The following PLA2G4B variants were observed in gnomAD, a reference collection of about 807,000 sequenced individuals.
PLA2G4B encodes phospholipase A2 group IVB.
In PLA2G4B, 122 loss-of-function variants were observed where a neutral mutation model predicts 95.8. The observed-to-expected ratio is 1.27, with a 90% CI of 1.10 to 1.48. The LOEUF is 1.48. Among genes scored for constraint, PLA2G4B ranks in the 40% most tolerant of loss-of-function variants. The probability of loss-of-function intolerance (pLI) is 0.00; values close to 1 mark genes in which losing one functional copy is unlikely to be tolerated. For missense variants in PLA2G4B, 1,158 were observed against 996.2 expected, an observed-to-expected ratio of 1.16 and a Z score of -2.19; for synonymous variants, 518 against 421.5, an observed-to-expected ratio of 1.23 and a Z score of -2.80.
chr15:41,840,064 T>G, intron 1 of PLA2G4B, 94 bp from the exon 2 acceptor site: 7 of 1,396,600 alleles, frequency 5.0e-6, no homozygotes, highest in Non-Finnish European at 6.8e-6. Context: ...GGTTCAGGAT[T>G]AGGCCTTGAG....
At position 41,843,658 on chromosome 15, in the gene PLA2G4B, TCTTC is replaced by T; in HGVS notation, c.744-12_744-9del. 1.2e-6 allele frequency: 2 copies of T among 1,611,456 alleles called. No homozygotes were observed. Among genetic ancestry groups the T allele is most frequent in the Non-Finnish European group, 1.7e-6 (2 of 1,178,332 alleles). On this transcript the variant is annotated splice_polypyrimidine_tract_variant and intron_variant, in intron 10 of 19. Transcript: ENST00000458483. Reference sequence around the variant, plus strand: ...GAGGGTTGAGAGCTGTCTCACAGTCTCTTCCTTCCCCGGCCAGACTGAGGGAGCT... The same window carrying T: ...GAGGGTTGAGAGCTGTCTCACAGTCTCTTCCCCGGCCAGACTGAGGGAGCT...
In PLA2G4B at chr15:41,846,914, G is replaced by A. The variant is rs1000139128; in HGVS notation, c.1947+79G>A. 1.2e-4 allele frequency: 177 copies of A among 1,473,830 alleles called. 1 individual carries two copies. Among genetic ancestry groups the A allele is most frequent in the Admixed American group, 2.2e-4 (10 of 45,650 alleles). The allele number at this position is 1,473,830 out of a possible 1,614,324, so 91.3% of individuals were successfully genotyped here. Reference sequence around the variant, plus strand: ...GAAGAGAGGGGCTTTGGAGTCCAGTGTCTGGTTCAGCTTCCTTTAGGAGCT... The same window carrying A: ...GAAGAGAGGGGCTTTGGAGTCCAGTATCTGGTTCAGCTTCCTTTAGGAGCT... On this transcript the variant is annotated intron_variant, in intron 18 of 19. Coordinates refer to ENST00000458483, the MANE Select transcript of PLA2G4B (RefSeq NM_001114633.2).
chr15:41,839,950 G>A, intron 1 of PLA2G4B: 1 of 603,392 alleles, frequency 1.7e-6, no homozygotes, highest in Non-Finnish European at 2.9e-6. Flanking sequence ...CCTTGGCCCA[G>A]AGCCGGCGCA....
At chr15:41,840,097 G>T in intron 1 of PLA2G4B, 61 bp from the exon 2 acceptor site, 1 of 1,582,032 alleles carries the variant, frequency 6.3e-7, no homozygotes, top group Admixed American at 1.7e-5. Context: ...CCTCCTTTGT[G>T]GCCCCTGTCA....
At position 41,841,569 on chromosome 15, in the gene PLA2G4B, A is replaced by T; in HGVS notation, c.488A>T (p.Lys163Met). 2 of 1,613,928 alleles carry T rather than the reference A, an allele frequency of 1.2e-6. No homozygotes were observed. The highest frequency in any genetic ancestry group is 8.5e-7 in the Non-Finnish European group (1 of 1,179,970). Reference protein sequence around the residue: ...HVQLEETGDQKSSEHRVQLVV... With the variant: ...HVQLEETGDQMSSEHRVQLVV... ...CAACTGGAGGAGACAGGAGACCAGAAGTGTGAGTCCCCAACCCACTGGGAC... is the reference window on the plus strand; with the variant it reads ...CAACTGGAGGAGACAGGAGACCAGATGTGTGAGTCCCCAACCCACTGGGAC... Residue 163 changes from lysine to methionine, a missense_variant and splice_region_variant, in exon 7 of 20, where the codon AAG becomes ATG. Lys to Met is a moderately conservative substitution (Grantham distance 95). Transcript: ENST00000458483.
intron 19 of PLA2G4B, 41 bp from the exon 20 acceptor site, chr15:41,847,608 C>A (rs778621911): frequency 6.2e-7 from 1 of 1,612,882 alleles, no homozygotes; most frequent in Non-Finnish European, 8.5e-7. Flanking sequence ...CCTGTCTTCC[C>A]CACAACGTGT....
At position 41,847,756 on chromosome 15, in the gene PLA2G4B, A is replaced by C. The variant is rs2065597747; in HGVS notation, c.2242A>C (p.Lys748Gln). ...KVTYSQEDVD[K>Q]LLHLTHYNVC... ...GACCTACAGCCAGGAGGACGTGGAC[A>C]AGCTGCTGCACCTGACACATTACAA... is the stretch of plus-strand genomic sequence containing the variant. The change falls in exon 20 of 20, where the codon AAG (lysine) becomes CAG (glutamine). Residue 748 changes from lysine (K) to glutamine (Q), a missense_variant. Lys to Gln is a moderately conservative substitution (Grantham distance 53, BLOSUM62 1). Transcript: ENST00000458483. 3 of 1,609,996 alleles carry C rather than the reference A, an allele frequency of 1.9e-6. No homozygotes were observed. The highest frequency in any genetic ancestry group is 1.7e-5 in the Admixed American group (1 of 59,900).
In PLA2G4B at chr15:41,846,053, T is replaced by G. The variant is rs1001808219; in HGVS notation, c.1600+6T>G. 1 of 1,563,838 alleles carries G rather than the reference T, an allele frequency of 6.4e-7. No homozygotes were observed. The highest frequency in any genetic ancestry group is 8.7e-7 in the Non-Finnish European group (1 of 1,153,900). On this transcript the variant is annotated splice_donor_region_variant and intron_variant, in intron 16 of 19. Transcript: ENST00000458483. The stretch of plus-strand genomic sequence containing the variant: ...CAGGAACCAGGCCAACCTGGGTAAG[T>G]GCTCCGGGCCCTTCATAAGGGTGCC...
chr15:41,846,509 G>A (rs544243156), intron 17 of PLA2G4B, 127 bp downstream of exon 17: 15 of 1,502,902 alleles, frequency 1.0e-5, no homozygotes, highest in Non-Finnish European at 1.3e-5. Flanking sequence ...TGGAACAGGG[G>A]TCTTTTTCTC....
At chr15:41,840,297 G>A in intron 2 of PLA2G4B, 67 bp downstream of exon 2, 1 of 1,598,908 alleles carries the variant, frequency 6.3e-7, no homozygotes. Flanking sequence ...GGAGGAGGGT[G>A]CTGTGGCTGG....
rs567595245 is a variant in PLA2G4B at position 41,846,341 on chromosome 15, A to C, written c.1739A>C (p.His580Pro). 6 of 1,610,178 alleles carry C rather than the reference A, an allele frequency of 3.7e-6. No homozygotes were observed. In the South Asian group the frequency reaches 6.6e-5, roughly 18 times the overall value. Residue 580 changes from histidine to proline, a missense_variant, in exon 17 of 20, where the codon CAC becomes CCC. By Grantham distance (77) the His-to-Pro change is moderately conservative. Transcript: ENST00000458483. The stretch of plus-strand genomic sequence containing the variant: ...AATTTCCTGCGTGGCCTCCATTTCC[A>C]CAAAGACTACTTTCAGCATCCTCAC... ...THNFLRGLHFHKDYFQHPHFS... is the reference protein window; with the variant it reads ...THNFLRGLHFPKDYFQHPHFS...
Position 41,847,876 on chromosome 15 carries a change from C to T in PLA2G4B, c.*16C>T. On this transcript the variant is annotated 3_prime_UTR_variant, in exon 20 of 20. Coordinates refer to ENST00000458483, the MANE Select transcript of PLA2G4B (RefSeq NM_001114633.2). ...GCCCCACTGATGGCCGGGGCCCCTG[C>T]CACCCCTAACTCTCATTCATTCCCT... 6.2e-7 allele frequency: 1 copy of T among 1,602,196 alleles called. No individual in the cohort carries two copies. The highest frequency in any genetic ancestry group is 8.5e-7 in the Non-Finnish European group (1 of 1,178,044).
At position 41,845,012 on chromosome 15, in the gene PLA2G4B, A is replaced by C. The variant is rs1595423461; in HGVS notation, c.1181A>C (p.Tyr394Ser). ...QELAERARLG[Y>S]PSCFTNLWAL... ...CTGGCCGAGCGTGCCCGCTTGGGCTACCCAAGCTGCTTCACCAACCTGTGG... is the reference window on the plus strand; with the variant it reads ...CTGGCCGAGCGTGCCCGCTTGGGCTCCCCAAGCTGCTTCACCAACCTGTGG... The change falls in exon 13 of 20, where the codon TAC becomes TCC. Residue 394 changes from tyrosine to serine, a missense_variant. Transcript: ENST00000458483. 6.2e-7 allele frequency: 1 copy of C among 1,605,386 alleles called. No homozygotes were observed. The highest frequency in any genetic ancestry group is 8.5e-7 in the Non-Finnish European group (1 of 1,176,258).
At chr15:41,845,526 A>AGGCCTG in intron 14 of PLA2G4B, 112 bp from the exon 15 acceptor site, 1 of 1,515,650 alleles carries the variant, frequency 6.6e-7, no homozygotes, top group Non-Finnish European at 8.8e-7. Flanking sequence ...CCAGGCCACA[A>AGGCCTG]GGCCTGGGCC....
chr15:41,845,136 A>C lies in PLA2G4B; in HGVS notation c.1239+66A>C. On this transcript the variant is annotated intron_variant, in intron 13 of 19. Transcript: ENST00000458483. ...CTGGAGCTGGGGCTCGGTGCTGGAC[A>C]GCAGGGTGGGAAAGGCCCTGGGCAC... 1.9e-6 allele frequency: 3 copies of C among 1,610,078 alleles called. No homozygotes were observed. In the Admixed American group the frequency reaches 5.0e-5, roughly 27 times the overall value.
rs773777176 is a variant in PLA2G4B at position 41,840,240 on chromosome 15, C to T, written c.82+10C>T. 2.5e-6 allele frequency: 4 copies of T among 1,612,632 alleles called. No homozygotes were observed. The highest frequency in any genetic ancestry group is 1.1e-5 in the South Asian group (1 of 91,082). On this transcript the variant is annotated intron_variant, in intron 2 of 19. Transcript: ENST00000458483. ...CCCTCTAAGGACCTAGGTGAGTGCG[C>T]ACCGCCCTGGCCCCTGTGCTGGGCT...
chr15:41,843,894 C>A, intron 11 of PLA2G4B, 83 bp downstream of exon 11: 1 of 1,538,508 alleles, frequency 6.5e-7, no homozygotes, highest in South Asian at 1.2e-5. Context: ...TGCTTGTCCC[C>A]GATCTAGACC....
At chr15:41,839,899 A>G (rs1419373767) in intron 1 of PLA2G4B, 3 of 507,670 alleles carry the variant, frequency 5.9e-6, no homozygotes, top group East Asian at 3.2e-5. Context: ...GTATCTGTGC[A>G]TAAGGTGGTT....
chr15:41,846,105 A>AG, intron 16 of PLA2G4B, 58 bp downstream of exon 16: 10 of 1,573,302 alleles, frequency 6.4e-6, no homozygotes, highest in Non-Finnish European at 7.8e-6. Context: ...GGGCTGCACC[A>AG]GGGGGCGGGG....
Sources: gnomAD v4.1 joint callset for allele counts on GRCh38, gnomAD v4.1.1 for gene constraint, MANE v1.5 for transcripts, NCBI Gene and HGNC (gene_info 2026-07-23, HGNC 2026-07-21) for gene names.